BCAR3: variants seen among roughly 807,000 people sequenced by gnomAD.
BCAR3 encodes BCAR3 adaptor protein, NSP family member.
In BCAR3, 37 loss-of-function variants were observed where a neutral mutation model predicts 80.1. The ratio of observed to expected loss-of-function variants is 0.46; its 90% CI spans 0.36 to 0.61. The LOEUF (loss-of-function observed/expected upper bound fraction) is 0.61, where lower values mean the gene tolerates loss of function less well. BCAR3 is among the 20% of genes least tolerant of loss of function. BCAR3 has a pLI of 0.00. For synonymous variants in BCAR3, 389 were observed against 418.9 expected (o/e 0.93, Z 0.87); for missense variants, 978 against 1,068.2 (o/e 0.92, Z 1.18).
At chr1:93,799,527 A>G (rs964479122) in intron 2 of BCAR3, among the ~76,000 whole-genome samples, 1 of 152,176 alleles carries the variant, frequency 6.6e-6, no homozygotes, top group African/African-American at 2.4e-5. Flanking sequence ...ACTTTATCTG[A>G]ATTTATATGT....
chr1:93,799,157 G>A (rs1299684400), intron 2 of BCAR3, among the ~76,000 whole-genome samples: 2 of 152,198 alleles, frequency 1.3e-5, no homozygotes, highest in African/African-American at 4.8e-5. Context: ...GGGGCAGCCC[G>A]TGAGCTATAG....
chr1:93,665,010 A>T (rs1357792086), intron 2 of BCAR3, among the ~76,000 whole-genome samples: 1 of 152,102 alleles, frequency 6.6e-6, no homozygotes, highest in African/African-American at 2.4e-5. Flanking sequence ...CAGAATAAAA[A>T]TGCTATGGTT....
chr1:93,641,470 G>A (rs949532581), intron 3 of BCAR3, among the ~76,000 whole-genome samples: 1 of 152,214 alleles, frequency 6.6e-6, no homozygotes, highest in Non-Finnish European at 1.5e-5. Flanking sequence ...AACCAAATGT[G>A]AGAATCAGAC....
intron 3 of BCAR3, among the ~76,000 whole-genome samples, chr1:93,628,017 T>TA (rs1477830351): frequency 6.6e-6 from 1 of 151,924 alleles, no homozygotes; most frequent in African/African-American, 2.4e-5. Flanking sequence ...AAACGACAAA[T>TA]AAAAAAAACT....
chr1:93,739,473 A>C (rs1355836764), intron 2 of BCAR3, among the ~76,000 whole-genome samples: 1 of 152,218 alleles, frequency 6.6e-6, no homozygotes, highest in African/African-American at 2.4e-5. Flanking sequence ...AATATTCTAA[A>C]ATAAAAAATG....
chr1:93,835,839 G>T (rs188446038), intron 2 of BCAR3, among the ~76,000 whole-genome samples: 43 of 152,288 alleles, frequency 2.8e-4, no homozygotes, highest in African/African-American at 9.1e-4. Flanking sequence ...CACTGGATGG[G>T]TAAAGGCCTT....
chr1:93,840,401 G>T (rs1654916610), intron 2 of BCAR3, among the ~76,000 whole-genome samples: 1 of 152,214 alleles, frequency 6.6e-6, no homozygotes, highest in South Asian at 2.1e-4. Flanking sequence ...GAAGAACCCA[G>T]AAAAGTGCCT....
chr1:93,593,211 G>A (rs970664286), intron 3 of BCAR3, among the ~76,000 whole-genome samples: 3 of 152,062 alleles, frequency 2.0e-5, no homozygotes, highest in Non-Finnish European at 2.9e-5. Context: ...AGCAAGACCA[G>A]GCATGCTGAC....
chr1:93,596,744 C>T (rs1674432714), intron 3 of BCAR3, among the ~76,000 whole-genome samples: 1 of 152,182 alleles, frequency 6.6e-6, no homozygotes, highest in South Asian at 2.1e-4. Context: ...GAGTTTGAAC[C>T]TCATTCCTAG....
chr1:93,603,998 AC>A (rs1674701102), intron 3 of BCAR3, among the ~76,000 whole-genome samples: 3 of 152,334 alleles, frequency 2.0e-5, no homozygotes, highest in African/African-American at 2.4e-5. Context: ...ACGTTTAAGC[AC>A]CTTGATGAAA....
At chr1:93,614,117 G>A (rs1570970695) in intron 3 of BCAR3, 1 of 1,409,328 alleles carries the variant, frequency 7.1e-7, no homozygotes, top group Non-Finnish European at 9.2e-7. Context: ...CCCCTCTGCT[G>A]AAGCCAATAC....
At chr1:93,656,851 A>G (rs1647409500) in intron 2 of BCAR3, among the ~76,000 whole-genome samples, 1 of 152,126 alleles carries the variant, frequency 6.6e-6, no homozygotes, top group Non-Finnish European at 1.5e-5. Flanking sequence ...GATTACAGAT[A>G]TGAGCCACTG....
At chr1:93,605,932 G>A (rs1372049235) in intron 3 of BCAR3, among the ~76,000 whole-genome samples, 2 of 152,180 alleles carry the variant, frequency 1.3e-5, no homozygotes, top group African/African-American at 4.8e-5. Context: ...TTCCAGCGTG[G>A]GGTGTAGAAC....
chr1:93,619,490 T>C (rs1675246748), intron 3 of BCAR3, among the ~76,000 whole-genome samples: 1 of 152,208 alleles, frequency 6.6e-6, no homozygotes, highest in Non-Finnish European at 1.5e-5. Flanking sequence ...ATGCAAGCAA[T>C]TACACCTGGA....
chr1:93,589,632 C>G (rs541582189), intron 4 of BCAR3, among the ~76,000 whole-genome samples: 1 of 152,350 alleles, frequency 6.6e-6, no homozygotes, highest in East Asian at 1.9e-4. Flanking sequence ...CCAAGCACCA[C>G]TGCAGGCTCA....
intron 7 of BCAR3, among the ~76,000 whole-genome samples, chr1:93,581,146 A>T (rs886640813): frequency 6.6e-6 from 1 of 151,530 alleles, no homozygotes; most frequent in Non-Finnish European, 1.5e-5. Flanking sequence ...TGGGTGACAG[A>T]GTGAGACCCT....
At chr1:93,634,268 C>T (rs546900265) in intron 3 of BCAR3, among the ~76,000 whole-genome samples, 3 of 152,304 alleles carry the variant, frequency 2.0e-5, no homozygotes, top group African/African-American at 7.2e-5. Flanking sequence ...TGTGTCCCCA[C>T]CCAAATCTCA....
At chr1:93,634,220 C>T (rs184088236) in intron 3 of BCAR3, among the ~76,000 whole-genome samples, 4 of 152,290 alleles carry the variant, frequency 2.6e-5, no homozygotes, top group East Asian at 1.9e-4. Context: ...TTTCACTCAA[C>T]GTAATGTATT....
chr1:93,589,289 A>G lies in BCAR3; in HGVS notation c.617T>C (p.Leu206Pro). ...GCGGCTGTAGGCCTCGCTGAGTCGCAGAACTGTCCGGTTGATTTTGAAGTG... is the reference window on the plus strand; with the variant it reads ...GCGGCTGTAGGCCTCGCTGAGTCGCGGAACTGTCCGGTTGATTTTGAAGTG... The part of the protein sequence containing the change: ...AQHFKINRTV[L>P]RLSEAYSRVQ... Residue 206 changes from leucine (L) to proline (P), a missense_variant, in exon 5 of 12, where the codon CTG (leucine) becomes CCG (proline). Coordinates refer to ENST00000260502, the MANE Select transcript of BCAR3 (RefSeq NM_003567.4). 1.2e-6 allele frequency: 2 copies of G among 1,614,218 alleles called. No homozygotes were observed. The highest frequency in any genetic ancestry group is 1.6e-4 in the Middle Eastern group (1 of 6,062).
Sources: gnomAD v4.1 joint callset for allele counts (sites outside exome capture counted in the v4.1 genomes callset) on GRCh38, gnomAD v4.1.1 for gene constraint, MANE v1.5 for transcripts, NCBI Gene and HGNC (gene_info 2026-07-23, HGNC 2026-07-21) for gene names.